INPP4B: variants seen among roughly 807,000 people sequenced by gnomAD.
INPP4B encodes the protein inositol polyphosphate-4-phosphatase type II B.
INPP4B carries 55 observed loss-of-function variants against 122.5 expected under a neutral mutation model. The ratio of observed to expected loss-of-function variants is 0.45; its 90% CI spans 0.36 to 0.56. The LOEUF (loss-of-function observed/expected upper bound fraction) is 0.56. Among genes scored for constraint, INPP4B ranks in the 20% least tolerant of loss-of-function variants. The probability of loss-of-function intolerance (pLI) is 0.00; values close to 1 mark genes in which losing one functional copy is unlikely to be tolerated. For missense variants in INPP4B, 1,000 were observed against 1,097.7 expected (o/e 0.91, Z 1.26); for synonymous variants, 403 against 388.7 (o/e 1.04, Z -0.43).
At chr4:142,422,359 G>C (rs1297495125) in intron 5 of INPP4B, among the ~76,000 whole-genome samples, 1 of 152,076 alleles carries the variant, frequency 6.6e-6, no homozygotes, top group Non-Finnish European at 1.5e-5. Context: ...ATGACATGCT[G>C]TTTGTAAAGT....
intron 2 of INPP4B, among the ~76,000 whole-genome samples, chr4:142,701,281 C>T (rs1344551525): frequency 1.3e-5 from 2 of 151,992 alleles, no homozygotes; most frequent in Non-Finnish European, 2.9e-5. Flanking sequence ...GTAGGTACTC[C>T]CTCCTGCCAG....
rs937161973 is a variant in INPP4B at position 142,537,529 on chromosome 4, C to CACAT, written c.-190-74807_-190-74804dup. The stretch of plus-strand genomic sequence containing the variant: ...AGTGAGTCCTCACAACACACACAAT[C>CACAT]ACATACACACACGTAAAGTAAGTCC... On this transcript the variant is annotated intron_variant, in intron 2 of 25. Coordinates refer to ENST00000262992, the MANE Select transcript of INPP4B (RefSeq NM_001101669.3). Among the ~76,000 whole-genome samples, 3 of 149,856 alleles carry CACAT rather than the reference C, an allele frequency of 2.0e-5. No individual in the cohort carries two copies. The Admixed American group carries it at 2.0e-4, about 10-fold the overall frequency.
intron 1 of INPP4B, among the ~76,000 whole-genome samples, chr4:142,760,074 T>C (rs1771102056): frequency 6.6e-6 from 1 of 152,036 alleles, no homozygotes; most frequent in South Asian, 2.1e-4. Context: ...TTGCCTCAGT[T>C]AATTAAAGCC....
At chr4:142,832,682 G>A (rs1782294896) in intron 1 of INPP4B, among the ~76,000 whole-genome samples, 1 of 152,120 alleles carries the variant, frequency 6.6e-6, no homozygotes, top group Non-Finnish European at 1.5e-5. Flanking sequence ...AGGCAGATCA[G>A]GGTAACAATA....
intron 3 of INPP4B, among the ~76,000 whole-genome samples, chr4:142,452,383 A>G (rs147606103): frequency 3.4e-4 from 52 of 152,316 alleles, no homozygotes; most frequent in African/African-American, 1.3e-3. Context: ...GACTCGTTAG[A>G]TTTTGTTCTG....
At chr4:142,284,975 C>G (rs72941103) in intron 9 of INPP4B, among the ~76,000 whole-genome samples, 2 of 151,948 alleles carry the variant, frequency 1.3e-5, no homozygotes, top group East Asian at 1.9e-4. Flanking sequence ...AGGGTATATG[C>G]GAGGGAATCG....
intron 2 of INPP4B, among the ~76,000 whole-genome samples, chr4:142,562,059 A>G (rs1309341987): frequency 6.6e-6 from 1 of 152,070 alleles, no homozygotes; most frequent in African/African-American, 2.4e-5. Flanking sequence ...GCGAAATTTT[A>G]TAAAAGGGCA....
chr4:142,320,556 A>C (rs1769603096), intron 7 of INPP4B, among the ~76,000 whole-genome samples: 1 of 152,110 alleles, frequency 6.6e-6, no homozygotes, highest in African/African-American at 2.4e-5. Context: ...TTACATGGAT[A>C]ATTTCTTTGG....
intron 23 of INPP4B, among the ~76,000 whole-genome samples, chr4:142,097,225 T>TTTTATTTTATTTTA (rs70949153): frequency 0.47 from 62,966 of 134,218 alleles, 16,706 homozygotes; most frequent in Non-Finnish European, 0.55. Flanking sequence ...TTTTATGTTA[T>TTTTATTTTATTTTA]TTTTATTTTA....
intron 2 of INPP4B, among the ~76,000 whole-genome samples, chr4:142,613,920 G>A (rs775379059): frequency 6.6e-5 from 10 of 152,118 alleles, no homozygotes; most frequent in Admixed American, 1.3e-4. Flanking sequence ...TGTATTAAGA[G>A]CCAAACTTCC....
intron 23 of INPP4B, among the ~76,000 whole-genome samples, chr4:142,103,840 C>T (rs554014977): frequency 6.6e-6 from 1 of 152,068 alleles, no homozygotes; most frequent in East Asian, 1.9e-4. Context: ...GACACACACA[C>T]TACATTCTAC....
chr4:142,162,629 A>T (rs1463586288), intron 16 of INPP4B, among the ~76,000 whole-genome samples: 1 of 151,844 alleles, frequency 6.6e-6, no homozygotes, highest in African/African-American at 2.4e-5. Flanking sequence ...ATTCATTCAC[A>T]CTCAATGAAA....
At chr4:142,671,905 C>T (rs1213874995) in intron 2 of INPP4B, among the ~76,000 whole-genome samples, 1 of 152,230 alleles carries the variant, frequency 6.6e-6, no homozygotes, top group East Asian at 1.9e-4. Flanking sequence ...GCCTCATGCT[C>T]CTCTGAGGTC....
At chr4:142,177,427 A>G (rs937396000) in intron 15 of INPP4B, among the ~76,000 whole-genome samples, 8 of 152,174 alleles carry the variant, frequency 5.3e-5, no homozygotes, top group African/African-American at 1.9e-4. Flanking sequence ...ACATAACTAA[A>G]CTCTATTTTA....
chr4:142,254,467 A>G (rs944002475), intron 11 of INPP4B, among the ~76,000 whole-genome samples: 1 of 152,030 alleles, frequency 6.6e-6, no homozygotes, highest in Non-Finnish European at 1.5e-5. Flanking sequence ...AAAAATTTAG[A>G]AGAATGTATA....
intron 2 of INPP4B, among the ~76,000 whole-genome samples, chr4:142,684,919 T>A (rs1198976360): frequency 1.3e-5 from 2 of 152,006 alleles, no homozygotes; most frequent in Admixed American, 6.6e-5. Flanking sequence ...CCTCAAAAGG[T>A]CAGTTTGAAC....
chr4:142,218,589 T>C (rs1263159271), intron 12 of INPP4B, among the ~76,000 whole-genome samples: 1 of 152,194 alleles, frequency 6.6e-6, no homozygotes, highest in Admixed American at 6.5e-5. Flanking sequence ...AAAAGTGTTA[T>C]TTGAGACTGT....
At chr4:142,384,355 A>T (rs1326814275) in intron 7 of INPP4B, among the ~76,000 whole-genome samples, 1 of 152,162 alleles carries the variant, frequency 6.6e-6, no homozygotes, top group Non-Finnish European at 1.5e-5. Context: ...CATTGTGTGA[A>T]CTTTGTAGAG....
At chr4:142,326,970 TG>T (rs1259636715) in intron 7 of INPP4B, among the ~76,000 whole-genome samples, 2 of 152,208 alleles carry the variant, frequency 1.3e-5, no homozygotes, top group African/African-American at 4.8e-5. Flanking sequence ...CCAAAATCTA[TG>T]CCCCTTCCAT....
Sources: gnomAD v4.1 joint callset for allele counts (sites outside exome capture counted in the v4.1 genomes callset) on GRCh38, gnomAD v4.1.1 for gene constraint, MANE v1.5 for transcripts, NCBI Gene and HGNC (gene_info 2026-07-23, HGNC 2026-07-21) for gene names.